Variants in NREP observed in about 807,000 individuals in gnomAD.
NREP encodes neuronal regeneration related protein.
A neutral mutation model predicts 8.6 loss-of-function variants in NREP; 5 were observed. The ratio of observed to expected loss-of-function variants is 0.58; its 90% CI spans 0.30 to 1.22. The LOEUF is 1.22. Ranked by LOEUF, NREP falls within the 50% of genes most tolerant of loss-of-function variation. The pLI, the probability that NREP is intolerant of heterozygous loss-of-function variation, is 0.07. For synonymous variants in NREP, 27 were observed against 28.0 expected, an observed-to-expected ratio of 0.96 and a Z score of 0.11; for missense variants, 86 against 82.5, an observed-to-expected ratio of 1.04 and a Z score of -0.17.
chr5:111,926,761 CCAGGTGTAGAGGAAGA>C (rs1456988542), intron 2 of NREP, among the ~76,000 whole-genome samples: 1 of 151,818 alleles, frequency 6.6e-6, no homozygotes, highest in African/African-American at 2.4e-5. Context: ...TTGGAGTAAC[CCAGGTGTAGAGGAAGA>C]CAGTGGGGGC....
At chr5:111,759,920 C>A (rs1387356185), upstream of NREP, among the ~76,000 whole-genome samples, 1 of 152,136 alleles carries the variant, frequency 6.6e-6, no homozygotes, top group Non-Finnish European at 1.5e-5. Context: ...CATATTTTGC[C>A]ACAGTGTGAC....
chr5:111,824,034 T>G (rs2112927072), intron 2 of NREP, among the ~76,000 whole-genome samples: 1 of 152,318 alleles, frequency 6.6e-6, no homozygotes, highest in East Asian at 1.9e-4. Context: ...CTAGAAATTC[T>G]GAGGGACCAA....
In NREP at chr5:111,849,018, A is replaced by G. The variant is rs534456773; in HGVS notation, c.136-113511T>C. Among the ~76,000 whole-genome samples the G allele has an allele frequency of 8.4e-4, 128 of 152,206 alleles. 1 individual carries two copies. The highest frequency in any genetic ancestry group is 3.1e-3 in the African/African-American group (128 of 41,532). ...GCCCTGGGTTAACCTCTGGTGTACAAATTTGGGTTTGAGATTACCTCTTTG... is the reference window on the plus strand; with the variant it reads ...GCCCTGGGTTAACCTCTGGTGTACAGATTTGGGTTTGAGATTACCTCTTTG... On this transcript the variant is annotated intron_variant, in intron 2 of 3. Transcript: ENST00000395634.
intron 2 of NREP, among the ~76,000 whole-genome samples, chr5:111,965,278 G>C (rs2112660694): frequency 6.6e-6 from 1 of 152,056 alleles, no homozygotes; most frequent in Non-Finnish European, 1.5e-5. Context: ...CTACCTAAAG[G>C]AATCACTGGA....
At chr5:111,850,551 G>A (rs543001452) in intron 2 of NREP, among the ~76,000 whole-genome samples, 11 of 151,616 alleles carry the variant, frequency 7.3e-5, no homozygotes, top group Non-Finnish European at 1.3e-4. Context: ...TACCTTGTCA[G>A]CCCCAAAATC....
At chr5:111,965,422 G>A (rs941066356) in intron 2 of NREP, among the ~76,000 whole-genome samples, 1 of 152,004 alleles carries the variant, frequency 6.6e-6, no homozygotes, top group African/African-American at 2.4e-5. Flanking sequence ...CTTAACTTTT[G>A]CTGTCATTAA....
At chr5:111,893,316 A>T (rs1056383717) in intron 2 of NREP, among the ~76,000 whole-genome samples, 1 of 152,192 alleles carries the variant, frequency 6.6e-6, no homozygotes, top group Non-Finnish European at 1.5e-5. Context: ...TTCTATGTAA[A>T]CTGTGAGTTA....
At chr5:111,845,832 G>A (rs1055736563) in intron 2 of NREP, among the ~76,000 whole-genome samples, 37 of 151,258 alleles carry the variant, frequency 2.4e-4, no homozygotes, top group African/African-American at 5.3e-4. Context: ...ATCAAGGAGC[G>A]GTTTTCTTTA....
chr5:111,942,207 C>A (rs1385867051), intron 2 of NREP, among the ~76,000 whole-genome samples: 17 of 151,934 alleles, frequency 1.1e-4, no homozygotes, highest in Admixed American at 8.5e-4. Flanking sequence ...AAATTTCAAT[C>A]CTGATGCTTA....
intron 2 of NREP, among the ~76,000 whole-genome samples, chr5:111,783,022 T>C (rs889417156): frequency 2.6e-5 from 4 of 152,120 alleles, no homozygotes; most frequent in African/African-American, 9.7e-5. Context: ...TGTGAGTCAC[T>C]GTGCCTGGCC....
intron 2 of NREP, among the ~76,000 whole-genome samples, chr5:111,741,816 C>G (rs1419931801): frequency 1.1e-5 from 1 of 91,842 alleles, no homozygotes; most frequent in African/African-American, 4.4e-5. Context: ...CTAATTTAAA[C>G]ACACACATAC....
At chr5:111,881,722 G>T (rs1210701383) in intron 2 of NREP, among the ~76,000 whole-genome samples, 1 of 152,174 alleles carries the variant, frequency 6.6e-6, no homozygotes, top group African/African-American at 2.4e-5. Flanking sequence ...GGCAAACAGG[G>T]TCTGGAGTGG....
intron 2 of NREP, among the ~76,000 whole-genome samples, chr5:111,945,774 GT>G (rs11337605): frequency 0.98 from 148,895 of 151,904 alleles, 73,013 homozygotes; most frequent in Non-Finnish European, 0.99. Context: ...TCACAGCCCT[GT>G]TTTTCCTCAG....
chr5:111,877,853 C>A (rs147456574), intron 2 of NREP, among the ~76,000 whole-genome samples: 2 of 152,186 alleles, frequency 1.3e-5, no homozygotes, highest in African/African-American at 2.4e-5. Context: ...GGTGTTCCCC[C>A]CTCACCAACT....
chr5:111,917,436 T>G (rs1159104603), intron 2 of NREP, among the ~76,000 whole-genome samples: 1 of 152,190 alleles, frequency 6.6e-6, no homozygotes, highest in East Asian at 1.9e-4. Context: ...ATATCCCTGC[T>G]GAACACCAAT....
chr5:111,853,814 A>G (rs972472832), intron 2 of NREP, among the ~76,000 whole-genome samples: 1 of 152,096 alleles, frequency 6.6e-6, no homozygotes, highest in Admixed American at 6.6e-5. Context: ...TAAGGTTAAT[A>G]TAAGCTTATA....
chr5:111,819,270 C>T (rs958588499), intron 2 of NREP, among the ~76,000 whole-genome samples: 6 of 152,136 alleles, frequency 3.9e-5, no homozygotes, highest in Admixed American at 6.5e-5. Flanking sequence ...AAACTACTCA[C>T]CCTGCCACTC....
chr5:111,755,837 A>C lies in NREP; in HGVS notation c.-58-7T>G, dbSNP rs944860090. On this transcript the variant is annotated splice_region_variant and splice_polypyrimidine_tract_variant and intron_variant, in intron 1 of 3. Transcript: ENST00000257435. The stretch of plus-strand genomic sequence containing the variant: ...TCAGTCCAGGGAGACCAACCTGCAA[A>C]ATATGTTTAAATACAGTAGACACAT... 5 of 1,613,386 alleles carry C rather than the reference A, an allele frequency of 3.1e-6. No homozygotes were observed. The highest frequency in any genetic ancestry group is 1.3e-5 in the African/African-American group (1 of 74,906).
intron 2 of NREP, among the ~76,000 whole-genome samples, chr5:111,844,740 C>G (rs1753117571): frequency 6.8e-6 from 1 of 147,808 alleles, no homozygotes; most frequent in South Asian, 2.1e-4. Flanking sequence ...TGTTGCCTGA[C>G]TCTTATTGTT....
Sources: gnomAD v4.1 joint callset for allele counts (sites outside exome capture counted in the v4.1 genomes callset) on GRCh38, gnomAD v4.1.1 for gene constraint, MANE v1.5 for transcripts, NCBI Gene and HGNC (gene_info 2026-07-23, HGNC 2026-07-21) for gene names.